MMP26: variants seen among roughly 807,000 people sequenced by gnomAD.
MMP26 encodes matrix metalloproteinase-26.
In MMP26, 33 loss-of-function variants were observed where a neutral mutation model predicts 31.0. That is an observed-to-expected ratio of 1.06 (90% CI 0.81 to 1.42). MMP26 has a LOEUF of 1.42. Ranked by LOEUF, MMP26 falls within the 40% of genes most tolerant of loss-of-function variation. The pLI, the probability that MMP26 is intolerant of heterozygous loss-of-function variation, is 0.00. For synonymous variants in MMP26, 122 were observed against 114.9 expected, an observed-to-expected ratio of 1.06 and a Z score of -0.40; for missense variants, 347 against 316.1, an observed-to-expected ratio of 1.10 and a Z score of -0.74.
chr11:4,835,267 T>C (rs1208836374), intron 2 of MMP26, among the ~76,000 whole-genome samples: 1 of 150,218 alleles, frequency 6.7e-6, no homozygotes, highest in African/African-American at 2.5e-5. Flanking sequence ...GTTGCTATCC[T>C]GGAGAGCTTT....
chr11:4,914,481 G>C (rs1851042031), intron 2 of MMP26: 1 of 474,382 alleles, frequency 2.1e-6, no homozygotes, highest in Non-Finnish European at 3.8e-6. Context: ...AGAGCATGTG[G>C]GTTTAGAATT....
chr11:4,706,612 GAAAGAAAGA>G (rs1300721197), intron 1 of MMP26, among the ~76,000 whole-genome samples: 4 of 137,730 alleles, frequency 2.9e-5, no homozygotes, highest in African/African-American at 1.1e-4. Context: ...CAGAAAGAAA[GAAAGAAAGA>G]AAAGAACACT....
intron 2 of MMP26, among the ~76,000 whole-genome samples, chr11:4,812,684 A>C (rs1474263501): frequency 2.0e-5 from 3 of 152,200 alleles, no homozygotes; most frequent in African/African-American, 7.2e-5. Flanking sequence ...ATACGCATAG[A>C]GTAGAGGAAG....
intron 2 of MMP26, among the ~76,000 whole-genome samples, chr11:4,889,083 C>G (rs1850581787): frequency 1.3e-5 from 2 of 152,156 alleles, no homozygotes; most frequent in South Asian, 4.1e-4. Flanking sequence ...CACATACACA[C>G]TTATCAACAT....
At chr11:4,963,204 A>G (rs1205702476) in intron 2 of MMP26, among the ~76,000 whole-genome samples, 3 of 152,210 alleles carry the variant, frequency 2.0e-5, no homozygotes, top group Admixed American at 6.5e-5. Flanking sequence ...TTCAAGGAGA[A>G]CTACAAACCA....
At chr11:4,793,036 A>G (rs761520076) in intron 2 of MMP26, among the ~76,000 whole-genome samples, 5 of 152,218 alleles carry the variant, frequency 3.3e-5, no homozygotes, top group African/African-American at 7.2e-5. Context: ...TAAGTGACCT[A>G]TCTTACTGAT....
chr11:4,865,057 T>C (rs1317787132), intron 2 of MMP26, among the ~76,000 whole-genome samples: 1 of 152,128 alleles, frequency 6.6e-6, no homozygotes, highest in East Asian at 1.9e-4. Context: ...TGAGTTCTAC[T>C]GGTGAGCTCC....
intron 2 of MMP26, among the ~76,000 whole-genome samples, chr11:4,846,555 T>C (rs1357511984): frequency 1.3e-5 from 2 of 152,174 alleles, no homozygotes; most frequent in Non-Finnish European, 2.9e-5. Context: ...TAAAGGAATG[T>C]AATTGGATTG....
Position 4,766,970 on chromosome 11 carries a change from C to T in MMP26, c.-216-300C>T, listed in dbSNP as rs80230678. ...CAGCTAGCAGGCATGTAGAATTACT[C>T]AAGAAAAAGACTCTCACATATAAAA... On this transcript the variant is annotated intron_variant, in intron 1 of 7. Transcript: ENST00000380390. Among the ~76,000 whole-genome samples the T allele has an allele frequency of 9.9e-4, 150 of 152,094 alleles. 1 individual carries two copies. The highest frequency in any genetic ancestry group is 3.5e-3 in the African/African-American group (145 of 41,494).
intron 2 of MMP26, among the ~76,000 whole-genome samples, chr11:4,856,275 G>A (rs563791074): frequency 1.3e-5 from 2 of 152,222 alleles, no homozygotes; most frequent in East Asian, 1.9e-4. Context: ...ACACAGACTG[G>A]CAAATTGGAT....
intron 1 of MMP26, among the ~76,000 whole-genome samples, chr11:4,756,446 A>C (rs574521944): frequency 2.0e-5 from 3 of 152,230 alleles, no homozygotes; most frequent in Admixed American, 1.3e-4. Flanking sequence ...AAAATCAGGA[A>C]GATAAGAACA....
chr11:4,991,042 AACTT>A (rs1220938905), intron 5 of MMP26, among the ~76,000 whole-genome samples: 7 of 152,082 alleles, frequency 4.6e-5, no homozygotes, highest in Admixed American at 2.0e-4. Context: ...AAGTTGAACC[AACTT>A]ACTTATAAAA....
At chr11:4,973,043 A>G (rs1377905538) in intron 2 of MMP26, 1 of 156,222 alleles carries the variant, frequency 6.4e-6, no homozygotes, top group Non-Finnish European at 1.4e-5. Context: ...CACCAGCAGA[A>G]AAGCATCAGC....
Position 4,723,113 on chromosome 11 carries a change from G to A in MMP26, c.-217+18068G>A, listed in dbSNP as rs536521893. On this transcript the variant is annotated intron_variant, in intron 1 of 7. Coordinates refer to ENST00000380390, the MANE Select transcript of MMP26 (RefSeq NM_021801.5). ...GTTCTGCTTGGCCCGCTGCAGGGCG[G>A]CCTCCAGCTCGGACAGCTTGGAGTT... 9.4e-4 allele frequency: 1,462 copies of A among 1,560,554 alleles called. 26 individuals carry two copies. The South Asian group carries it at 0.015, about 16-fold the overall frequency.
chr11:4,977,950 C>T (rs1846760060), intron 2 of MMP26, among the ~76,000 whole-genome samples: 1 of 152,026 alleles, frequency 6.6e-6, no homozygotes, highest in Non-Finnish European at 1.5e-5. Context: ...GTCCAGGTGT[C>T]CAGGTGTCCA....
chr11:4,992,189 T>C, intron 7 of MMP26, 25 bp from the exon 8 acceptor site: 1 of 1,474,584 alleles, frequency 6.8e-7, no homozygotes, highest in South Asian at 1.2e-5. Flanking sequence ...AAATTTACTG[T>C]TGTTTTTTTT....
chr11:4,845,465 T>G (rs1401598419), intron 2 of MMP26, among the ~76,000 whole-genome samples: 3 of 151,996 alleles, frequency 2.0e-5, no homozygotes, highest in African/African-American at 7.2e-5. Context: ...AAGTGAAAAC[T>G]ACTACAGAAA....
chr11:4,929,972 T>A (rs1851323951), intron 2 of MMP26, among the ~76,000 whole-genome samples: 1 of 152,112 alleles, frequency 6.6e-6, no homozygotes. Context: ...AATGTTCTTG[T>A]AAAATTGAGA....
intron 2 of MMP26, among the ~76,000 whole-genome samples, chr11:4,905,111 G>A (rs774228072): frequency 6.6e-6 from 1 of 152,126 alleles, no homozygotes; most frequent in Admixed American, 6.5e-5. Context: ...ATTCAGAGGT[G>A]AGAACTTATT....
Sources: allele counts gnomAD v4.1 joint callset (sites outside exome capture counted in the v4.1 genomes callset), GRCh38; gene constraint gnomAD v4.1.1; transcripts MANE v1.5; gene names NCBI Gene and HGNC (gene_info 2026-07-23, HGNC 2026-07-21).